The following RALYL variants were observed in gnomAD, a reference collection of about 807,000 sequenced individuals.
RALYL encodes RALY RNA binding protein like.
RALYL carries 29 observed loss-of-function variants against 35.1 expected under a neutral mutation model. That is an observed-to-expected ratio of 0.83 (90% CI 0.61 to 1.13). The LOEUF (loss-of-function observed/expected upper bound fraction) is 1.13, where lower values mean the gene tolerates loss of function less well. RALYL is among the 50% of genes most tolerant of loss of function. The pLI is 0.00. For synonymous variants in RALYL, 120 were observed against 127.6 expected (o/e 0.94, Z 0.40); for missense variants, 359 against 360.4 (o/e 1.00, Z 0.03).
Position 84,289,512 on chromosome 8 carries a change from T to C in RALYL, c.-24+105088T>C, listed in dbSNP as rs193266223. On this transcript the variant is annotated intron_variant, in intron 1 of 8. Transcript: ENST00000521268. ...AAGAATGTTTTAAAACCAGTTGATTTGTATTGGGAAATTGCGTTCAGAATA... is the reference window on the plus strand; with the variant it reads ...AAGAATGTTTTAAAACCAGTTGATTCGTATTGGGAAATTGCGTTCAGAATA... 3.2e-4 allele frequency among the ~76,000 whole-genome samples: 48 copies of C among 152,268 alleles called. 1 individual carries two copies. In the East Asian group the frequency reaches 9.3e-3, roughly 29 times the overall value.
chr8:84,208,850 T>A (rs1219657185), intron 1 of RALYL, among the ~76,000 whole-genome samples: 2 of 151,968 alleles, frequency 1.3e-5, no homozygotes, highest in Non-Finnish European at 2.9e-5. Context: ...ACTTTCCTTT[T>A]GTGATATAAG....
At chr8:84,467,358 G>T (rs1472820087) in intron 1 of RALYL, among the ~76,000 whole-genome samples, 1 of 151,542 alleles carries the variant, frequency 6.6e-6, no homozygotes, top group Non-Finnish European at 1.5e-5. Flanking sequence ...GTTCTCGTTG[G>T]TTTCAAAGAA....
At chr8:84,562,735 C>G (rs1329857468) in intron 2 of RALYL, among the ~76,000 whole-genome samples, 2 of 151,882 alleles carry the variant, frequency 1.3e-5, no homozygotes, top group Non-Finnish European at 2.9e-5. Flanking sequence ...TTGACAGACA[C>G]TGGGGCCCAA....
chr8:84,886,114 A>G (rs1235905120), intron 7 of RALYL, among the ~76,000 whole-genome samples: 3 of 152,178 alleles, frequency 2.0e-5, no homozygotes, highest in African/African-American at 7.2e-5. Flanking sequence ...AAACTCTGAC[A>G]ACAGAGGCAA....
intron 1 of RALYL, among the ~76,000 whole-genome samples, chr8:84,278,303 G>A (rs1835825640): frequency 6.6e-6 from 1 of 152,212 alleles, no homozygotes; most frequent in South Asian, 2.1e-4. Context: ...GAAGAGTCTG[G>A]GGTACAGGGT....
chr8:84,199,796 C>A (rs1249528873), intron 1 of RALYL, among the ~76,000 whole-genome samples: 1 of 152,076 alleles, frequency 6.6e-6, no homozygotes, highest in South Asian at 2.1e-4. Flanking sequence ...GTCGAAAATG[C>A]GTTCACTCTA....
chr8:84,241,551 G>A (rs1049698901), intron 1 of RALYL, among the ~76,000 whole-genome samples: 3 of 152,058 alleles, frequency 2.0e-5, no homozygotes, highest in Non-Finnish European at 2.9e-5. Context: ...GCTGAGGCAG[G>A]CAGATCACGA....
chr8:84,643,841 G>T (rs1376071248), intron 2 of RALYL, among the ~76,000 whole-genome samples: 2 of 151,962 alleles, frequency 1.3e-5, no homozygotes. Context: ...ATGTGGGAAG[G>T]GTACTGAGTA....
chr8:84,554,711 A>G (rs76427990), intron 2 of RALYL, among the ~76,000 whole-genome samples: 1,535 of 152,260 alleles, frequency 0.01, 25 homozygotes, highest in African/African-American at 0.034. Context: ...AATACCAATC[A>G]TTCGAATTCC....
At chr8:84,687,306 A>G (rs1364398929) in intron 2 of RALYL, among the ~76,000 whole-genome samples, 1 of 152,132 alleles carries the variant, frequency 6.6e-6, no homozygotes, top group Non-Finnish European at 1.5e-5. Flanking sequence ...ATTTCATTTC[A>G]TTTCATGTCT....
At chr8:84,749,187 T>TA (rs796104920) in intron 2 of RALYL, among the ~76,000 whole-genome samples, 17 of 152,264 alleles carry the variant, frequency 1.1e-4, no homozygotes, top group Non-Finnish European at 1.5e-4. Flanking sequence ...GGAATTACTG[T>TA]AAAAAAATAA....
chr8:84,470,579 C>T (rs1470168631), intron 1 of RALYL, among the ~76,000 whole-genome samples: 1 of 151,782 alleles, frequency 6.6e-6, no homozygotes. Flanking sequence ...ATCTTGCTGG[C>T]AATTTGATGT....
chr8:84,189,099 G>T (rs1377400888), intron 1 of RALYL, among the ~76,000 whole-genome samples: 3 of 152,176 alleles, frequency 2.0e-5, no homozygotes, highest in African/African-American at 4.8e-5. Flanking sequence ...CCTCAGCTGG[G>T]GGTCAAGACT....
chr8:84,432,432 T>A (rs2047244197), intron 1 of RALYL, among the ~76,000 whole-genome samples: 1 of 152,094 alleles, frequency 6.6e-6, no homozygotes, highest in South Asian at 2.1e-4. Context: ...TACGTGGTTC[T>A]AGAAATCTAC....
chr8:84,550,081 T>G (rs1158017131), intron 2 of RALYL, among the ~76,000 whole-genome samples: 1 of 152,192 alleles, frequency 6.6e-6, no homozygotes, highest in Non-Finnish European at 1.5e-5. Flanking sequence ...ATAGCTACCC[T>G]TTCTGCTACT....
intron 2 of RALYL, among the ~76,000 whole-genome samples, chr8:84,552,035 G>T (rs556820283): frequency 1.3e-5 from 2 of 149,578 alleles, no homozygotes; most frequent in South Asian, 2.1e-4. Flanking sequence ...GAGAGAGAGA[G>T]TTCAGTACAT....
chr8:84,287,113 T>A (rs1837768368), intron 1 of RALYL, among the ~76,000 whole-genome samples: 1 of 152,234 alleles, frequency 6.6e-6, no homozygotes, highest in East Asian at 1.9e-4. Flanking sequence ...GCCTGGAATT[T>A]CCTTTGGAGG....
chr8:84,885,298 A>C (rs1379895008), intron 7 of RALYL, among the ~76,000 whole-genome samples: 1 of 152,122 alleles, frequency 6.6e-6, no homozygotes, highest in African/African-American at 2.4e-5. Context: ...TCTTCTCTAG[A>C]TTAAACAGAT....
chr8:84,821,050 C>T (rs1193254418), intron 4 of RALYL, among the ~76,000 whole-genome samples: 1 of 152,152 alleles, frequency 6.6e-6, no homozygotes, highest in African/African-American at 2.4e-5. Context: ...TTCAACTCAT[C>T]TCAAAGAAAG....
Sources: allele counts gnomAD v4.1 joint callset (sites outside exome capture counted in the v4.1 genomes callset), GRCh38; gene constraint gnomAD v4.1.1; transcripts MANE v1.5; gene names NCBI Gene and HGNC (gene_info 2026-07-23, HGNC 2026-07-21).